The following CELSR2 variants were observed in gnomAD, a reference collection of about 807,000 sequenced individuals.
CELSR2 encodes the protein EGF-like protein 2.
In CELSR2, 81 loss-of-function variants were observed where a neutral mutation model predicts 251.6. The ratio of observed to expected loss-of-function variants is 0.32; its 90% confidence interval spans 0.27 to 0.39. The LOEUF is 0.39. Ranked by LOEUF, CELSR2 falls within the 10% of genes least tolerant of loss-of-function variation. CELSR2 has a pLI of 1.00. For missense variants in CELSR2, 3,365 were observed against 3,947.7 expected (o/e 0.85, Z 3.96); for synonymous variants, 1,721 against 1,670.5 (o/e 1.03, Z -0.74).
Position 109,261,358 on chromosome 1 carries a change from A to T in CELSR2, c.4181+94A>T. The T allele has an allele frequency of 1.4e-6, 2 of 1,402,114 alleles. No homozygotes were observed. Among genetic ancestry groups the T allele is most frequent in the South Asian group, 2.5e-5 (2 of 81,172 alleles). 86.9% of individuals were successfully genotyped at this position (1,402,114 alleles called of 1,614,324 possible). ...TTGAAGTAAGAGGTCAGGCAGTGAA[A>T]GCGTGGAGCAGGCTGCCGGCAGAGC... On this transcript the variant is annotated intron_variant, in intron 3 of 33. Coordinates refer to ENST00000271332, the MANE Select transcript of CELSR2 (RefSeq NM_001408.3). This position sits in a 1 kb window ranked among gnomAD's most constrained non-coding sequence, Gnocchi z 4.8.
In CELSR2 at chr1:109,251,184, G is replaced by T; in HGVS notation, c.1105G>T (p.Ala369Ser). Residue 369 changes from alanine to serine, a missense_variant, in exon 1 of 34, where the codon GCA becomes TCA. Around this residue, in one of 5 missense-constraint regions of CELSR2, gnomAD observed 704 missense variants for 784.1 expected, o/e 0.90. Coordinates refer to ENST00000271332, the MANE Select transcript of CELSR2 (RefSeq NM_001408.3). The surrounding 1 kb of genome is among the most constrained non-coding windows in gnomAD (Gnocchi z 4.9). ...GGAATCCTACCAGCTGACGGTAGAG[G>T]CAAGTGACCAGGGTCGGGACCCGGG... is the stretch of plus-strand genomic sequence containing the variant. ...EVESYQLTVE[A>S]SDQGRDPGPR... The T allele has an allele frequency of 6.2e-7, 1 of 1,613,664 alleles. No homozygotes were observed. Among genetic ancestry groups the T allele is most frequent in the East Asian group, 2.2e-5 (1 of 44,882 alleles).
Position 109,271,237 on chromosome 1 carries a change from C to T in CELSR2, c.7617C>T (p.Ile2539=). ...CCTAGATGAGTGTCTTCCTGTACAT[C>T]CTGGCGGCCCGGGCCTCCTGTGCTG... is the stretch of plus-strand genomic sequence containing the variant. ...FAVSMSVFLY[I]LAARASCAAQ... Residue 2539 remains isoleucine, a synonymous_variant, in exon 26 of 34, where the codon ATC becomes ATT. Coordinates refer to ENST00000271332, the MANE Select transcript of CELSR2 (RefSeq NM_001408.3). 1 of 1,614,026 alleles carries T rather than the reference C, an allele frequency of 6.2e-7. No individual in the cohort carries two copies. Among genetic ancestry groups the T allele is most frequent in the Non-Finnish European group, 8.5e-7 (1 of 1,180,002 alleles).
At chr1:109,271,363 T>G in intron 26 of CELSR2, 23 bp from the exon 27 acceptor site, 1 of 1,613,282 alleles carries the variant, frequency 6.2e-7, no homozygotes, top group Non-Finnish European at 8.5e-7. Flanking sequence ...ATGGCCGGAC[T>G]CATGGCCTGT....
In CELSR2 at chr1:109,274,340, G is replaced by T. The variant is rs955992108; in HGVS notation, c.*291G>T. 6 of 590,132 alleles carry T rather than the reference G, an allele frequency of 1.0e-5. No individual in the cohort carries two copies. The highest frequency in any genetic ancestry group is 9.3e-4 in the Middle Eastern group (2 of 2,150). The allele number at this position is 590,132 out of a possible 1,614,324, so 36.6% of individuals were successfully genotyped here. On this transcript the variant is annotated 3_prime_UTR_variant, in exon 34 of 34. Coordinates refer to ENST00000271332, the MANE Select transcript of CELSR2 (RefSeq NM_001408.3). ...AGAGGAAAAAAAGAATTTAAAAAAG[G>T]ATCTCCACTCTTCATGACTTCAGGG...
In CELSR2 at chr1:109,251,671, A is replaced by T; in HGVS notation, c.1592A>T (p.Asp531Val). The change falls in exon 1 of 34, where the codon GAC (aspartate) becomes GTC (valine). Residue 531 changes from aspartate (D) to valine (V), a missense_variant. Asp to Val is a radical substitution (Grantham distance 152). Coordinates refer to ENST00000271332, the MANE Select transcript of CELSR2 (RefSeq NM_001408.3). This position sits in a 1 kb window ranked among gnomAD's most constrained non-coding sequence, Gnocchi z 4.9. Reference protein sequence around the residue: ...GYLVLHVQAIDADAGDNARLE... With the variant: ...GYLVLHVQAIVADAGDNARLE... ...CTGGTTCTCCATGTCCAGGCTATCG[A>T]CGCTGATGCTGGTGACAATGCCCGC... The T allele has an allele frequency of 2.5e-6, 4 of 1,613,968 alleles. No homozygotes were observed. The highest frequency in any genetic ancestry group is 3.4e-6 in the Non-Finnish European group (4 of 1,179,992).
chr1:109,263,620 A>G lies in CELSR2; in HGVS notation c.4844A>G (p.Asn1615Ser). 1 of 1,613,878 alleles carries G rather than the reference A, an allele frequency of 6.2e-7. No homozygotes were observed. The highest frequency in any genetic ancestry group is 8.5e-7 in the Non-Finnish European group (1 of 1,179,866). Residue 1615 changes from asparagine to serine, a missense_variant, in exon 9 of 34, where the codon AAT (asparagine) becomes AGT (serine). Transcript: ENST00000271332. ...GGKSCAQEMA[N>S]PQHFLGSSLV... is the part of the protein sequence containing the mutation. ...TTTCCTGCCTCCCCAGAAATGGCCAATCCACAGCACTTCCTGGGCAGCAGC... is the reference window on the plus strand; with the variant it reads ...TTTCCTGCCTCCCCAGAAATGGCCAGTCCACAGCACTTCCTGGGCAGCAGC...
Position 109,264,340 on chromosome 1 carries a change from C to T in CELSR2, c.5264C>T (p.Ala1755Val), listed in dbSNP as rs942131251. ...GGIPGPAGGV[A>V]RGFRGCLQGV... is the part of the protein sequence containing the mutation. ...ATACCTGGGCCAGCCGGCGGTGTGG[C>T]CCGTGGCTTTCGGGGCTGTTTGCAG... The change falls in exon 10 of 34, where the codon GCC becomes GTC. Residue 1755 changes from alanine (A) to valine (V), a missense_variant. Around this residue, in one of 5 missense-constraint regions of CELSR2, gnomAD observed 2,093 missense variants for 2,382.8 expected, o/e 0.88. Transcript: ENST00000271332. 2 of 1,609,680 alleles carry T rather than the reference C, an allele frequency of 1.2e-6. No homozygotes were observed. The highest frequency in any genetic ancestry group is 3.3e-5 in the Admixed American group (2 of 59,916).
intron 9 of CELSR2, 95 bp from the exon 10 acceptor site, chr1:109,263,983 G>C: frequency 1.4e-6 from 2 of 1,469,256 alleles, no homozygotes; most frequent in Non-Finnish European, 1.8e-6. Context: ...GCTGGGCAGC[G>C]GGATGGGTTT....
At chr1:109,264,847 C>G in intron 11 of CELSR2, 21 bp from the exon 12 acceptor site, 1 of 1,614,194 alleles carries the variant, frequency 6.2e-7, no homozygotes, top group Non-Finnish European at 8.5e-7. Flanking sequence ...GAATGAGCCT[C>G]TCTGGTCCTT....
At position 109,251,373 on chromosome 1, in the gene CELSR2, G is replaced by A; in HGVS notation, c.1294G>A (p.Ala432Thr). ...TASDRDKGSN[A>T]VVHYSIMSGN... ...CTCGGATCGAGACAAGGGGAGCAAT[G>A]CCGTGGTGCACTATAGCATCATGAG... is the stretch of plus-strand genomic sequence containing the variant. Residue 432 changes from alanine to threonine, a missense_variant, in exon 1 of 34, where the codon GCC becomes ACC. This residue lies in a region of CELSR2 where 704 missense variants were observed against 784.1 expected (regional missense o/e 0.90). Coordinates refer to ENST00000271332, the MANE Select transcript of CELSR2 (RefSeq NM_001408.3). The surrounding 1 kb of genome is among the most constrained non-coding windows in gnomAD (Gnocchi z 4.9). 1 of 1,614,098 alleles carries A rather than the reference G, an allele frequency of 6.2e-7. No individual in the cohort carries two copies. The highest frequency in any genetic ancestry group is 8.5e-7 in the Non-Finnish European group (1 of 1,180,028).
Position 109,266,361 on chromosome 1 carries a change from C to A in CELSR2, c.6013+155C>A, listed in dbSNP as rs1254549403. The A allele has an allele frequency of 1.0e-5, 9 of 882,432 alleles. No individual in the cohort carries two copies. In the East Asian group the frequency reaches 2.2e-4, roughly 21 times the overall value. The allele number at this position is 882,432 out of a possible 1,614,324, so 54.7% of individuals were successfully genotyped here. ...CCCATCTTCCTTGGTTCACATTCCC[C>A]CTTCCCCATGTTGCCCAGGTGTGCC... On this transcript the variant is annotated intron_variant, in intron 15 of 33. Transcript: ENST00000271332.
chr1:109,253,765 A>C (rs772701421), intron 1 of CELSR2, among the ~76,000 whole-genome samples: 11 of 152,170 alleles, frequency 7.2e-5, no homozygotes, highest in Non-Finnish European at 1.3e-4. Context: ...ACTGTGGCGC[A>C]GGAGAGGAGG....
Position 109,262,856 on chromosome 1 carries a change from C to T in CELSR2, c.4595C>T (p.Pro1532Leu). 1 of 1,613,748 alleles carries T rather than the reference C, an allele frequency of 6.2e-7. No homozygotes were observed. The highest frequency in any genetic ancestry group is 8.5e-7 in the Non-Finnish European group (1 of 1,180,000). ...PLLLGGVPDL[P>L]ESFPVRMRQF... Reference sequence around the variant, plus strand: ...CTACTAGGCGGGGTGCCTGACCTGCCCGAGAGCTTCCCAGTCCGAATGCGG... The same window carrying T: ...CTACTAGGCGGGGTGCCTGACCTGCTCGAGAGCTTCCCAGTCCGAATGCGG... Residue 1532 changes from proline to leucine, a missense_variant, in exon 7 of 34, where the codon CCC (proline) becomes CTC (leucine). Physicochemically the swap from Pro to Leu is moderately conservative, Grantham distance 98. Coordinates refer to ENST00000271332, the MANE Select transcript of CELSR2 (RefSeq NM_001408.3).
chr1:109,262,562 C>T (rs558140494), intron 6 of CELSR2, 118 bp downstream of exon 6: 1 of 1,432,260 alleles, frequency 7.0e-7, no homozygotes, highest in Non-Finnish European at 9.4e-7. Context: ...AGCCCCTGCT[C>T]AGCCCTGGGG....
chr1:109,266,154 C>G lies in CELSR2; in HGVS notation c.5961C>G (p.Pro1987=), dbSNP rs905903937. The G allele has an allele frequency of 5.6e-6, 9 of 1,614,146 alleles. No homozygotes were observed. The Admixed American group carries it at 6.7e-5, about 12-fold the overall frequency. ...PRAIEAGIWW[P]RTRFGLPAAA... Reference sequence around the variant, plus strand: ...CGATTGAGGCTGGGATCTGGTGGCCCCGTACCCGCTTCGGGCTGCCTGCTG... The same window carrying G: ...CGATTGAGGCTGGGATCTGGTGGCCGCGTACCCGCTTCGGGCTGCCTGCTG... The change falls in exon 15 of 34, where the codon CCC becomes CCG. Residue 1987 remains proline, a synonymous_variant. Transcript: ENST00000271332.
Position 109,268,043 on chromosome 1 carries a change from G to A in CELSR2, c.6301G>A (p.Asp2101Asn), listed in dbSNP as rs1225919246. The A allele has an allele frequency of 6.2e-7, 1 of 1,600,120 alleles. No individual in the cohort carries two copies. Among genetic ancestry groups the A allele is most frequent in the South Asian group, 1.1e-5 (1 of 90,846 alleles). Reference sequence around the variant, plus strand: ...GGGCTTTGGGCTGTCTGCCACACAGGACGTGCACTTCACTGAGGTGGGGCT... The same window carrying A: ...GGGCTTTGGGCTGTCTGCCACACAGAACGTGCACTTCACTGAGGTGGGGCT... ...QRGFGLSATQ[D>N]VHFTENLLRV... The change falls in exon 17 of 34, where the codon GAC becomes AAC. Residue 2101 changes from aspartate (D) to asparagine (N), a missense_variant. This residue lies in a region of CELSR2 where 2,093 missense variants were observed against 2,382.8 expected (regional missense o/e 0.88). Coordinates refer to ENST00000271332, the MANE Select transcript of CELSR2 (RefSeq NM_001408.3).
Position 109,253,393 on chromosome 1 carries a change from A to G in CELSR2, c.3310+4A>G. 1.9e-6 allele frequency: 3 copies of G among 1,610,828 alleles called. No homozygotes were observed. Among genetic ancestry groups the G allele is most frequent in the South Asian group, 1.1e-5 (1 of 90,984 alleles). On this transcript the variant is annotated splice_donor_region_variant and intron_variant, in intron 1 of 33. Transcript: ENST00000271332. ...ATCATGAGCGTGCTGGTGTCAGGTA[A>G]GGAAGGGCCCAGGTGGCGCTGGGGT...
Position 109,251,837 on chromosome 1 carries a change from C to T in CELSR2, c.1758C>T (p.Gly586=). 6.2e-7 allele frequency: 1 copy of T among 1,614,114 alleles called. No homozygotes were observed. Among genetic ancestry groups the T allele is most frequent in the African/African-American group, 1.3e-5 (1 of 75,044 alleles). The change falls in exon 1 of 34, where the codon GGC becomes GGT. Residue 586 remains glycine, a synonymous_variant. Transcript: ENST00000271332. This position sits in a 1 kb window ranked among gnomAD's most constrained non-coding sequence, Gnocchi z 4.9. ...YSFGVEARDH[G]TPALTASASV... The stretch of plus-strand genomic sequence containing the variant: ...TTGGGGTAGAAGCTCGAGACCATGG[C>T]ACTCCAGCACTCACTGCCTCGGCCA...
In CELSR2 at chr1:109,249,588, C is replaced by T. The variant is rs1480817105; in HGVS notation, c.-492C>T. 6.7e-6 allele frequency among the ~76,000 whole-genome samples: 1 copy of T among 148,840 alleles called. No individual in the cohort carries two copies. ...AGGCGAGGGAGCGCGGGGCTGGGCC[C>T]GGGGCCGCGGCGACAGGCAGCAGCC... On this transcript the variant is annotated 5_prime_UTR_variant, in exon 1 of 34. Transcript: ENST00000271332.
Sources: allele counts gnomAD v4.1 joint callset (sites outside exome capture counted in the v4.1 genomes callset), GRCh38; gene constraint gnomAD v4.1.1; regional missense constraint gnomAD v4.1.1; non-coding constraint Gnocchi (gnomAD v3.1); transcripts MANE v1.5; gene names NCBI Gene and HGNC (gene_info 2026-07-23, HGNC 2026-07-21).